DNAH3: variants seen among roughly 807,000 people sequenced by gnomAD.
The protein encoded by DNAH3 is axonemal beta dynein heavy chain 3.
In DNAH3, 332 loss-of-function variants were observed where a neutral mutation model predicts 432.5. The observed-to-expected ratio is 0.77, with a 90% CI of 0.70 to 0.84. DNAH3 has a LOEUF of 0.84. Among genes scored for constraint, DNAH3 ranks in the 40% least tolerant of loss-of-function variants. The pLI is 0.00. For missense variants in DNAH3, 4,861 were observed against 5,114.0 expected (o/e 0.95, Z 1.51); for synonymous variants, 1,956 against 1,900.2 (o/e 1.03, Z -0.76).
intron 53 of DNAH3, among the ~76,000 whole-genome samples, chr16:20,961,725 T>C (rs1243223585): frequency 2.6e-5 from 4 of 151,286 alleles, no homozygotes; most frequent in Non-Finnish European, 5.9e-5. Flanking sequence ...ATTTCAAACT[T>C]TCTTTAAGAA....
intron 53 of DNAH3, among the ~76,000 whole-genome samples, chr16:20,960,383 T>C (rs1222163457): frequency 6.6e-6 from 1 of 152,098 alleles, no homozygotes; most frequent in Non-Finnish European, 1.5e-5. Context: ...CGTACCTTCA[T>C]GTTATGAAGG....
chr16:20,948,055 C>T (rs1355081856), intron 57 of DNAH3, among the ~76,000 whole-genome samples: 3 of 152,184 alleles, frequency 2.0e-5, no homozygotes, highest in African/African-American at 7.2e-5. Flanking sequence ...AGATTACAGG[C>T]GTGAGCCACA....
At chr16:21,067,222 G>A (rs955739196) in intron 24 of DNAH3, 61 bp downstream of exon 24, 1 of 1,589,058 alleles carries the variant, frequency 6.3e-7, no homozygotes, top group Non-Finnish European at 8.6e-7. Flanking sequence ...CATGAAAAAT[G>A]TAATTCTACC....
At chr16:21,107,104 C>T (rs1330580788) in intron 14 of DNAH3, among the ~76,000 whole-genome samples, 1 of 151,984 alleles carries the variant, frequency 6.6e-6, no homozygotes, top group Non-Finnish European at 1.5e-5. Context: ...TAATTGACTC[C>T]AAAGCTCATA....
intron 39 of DNAH3, 132 bp from the exon 40 acceptor site, chr16:21,022,232 A>G (rs2088274440): frequency 1.1e-6 from 1 of 908,118 alleles, no homozygotes; most frequent in Middle Eastern, 2.3e-4. Flanking sequence ...CATTGGGGGA[A>G]AACTTATAGG....
intron 1 of DNAH3, among the ~76,000 whole-genome samples, chr16:21,147,895 G>C (rs952355138): frequency 2.6e-5 from 4 of 152,218 alleles, no homozygotes; most frequent in Admixed American, 2.6e-4. Context: ...ACTGCAACTT[G>C]TTCCAACACT....
intron 55 of DNAH3, among the ~76,000 whole-genome samples, chr16:20,953,272 T>C (rs1031659928): frequency 6.6e-6 from 1 of 151,834 alleles, no homozygotes; most frequent in Non-Finnish European, 1.5e-5. Context: ...GATTCTCCTG[T>C]CTCAGCCTCC....
chr16:21,084,491 T>A (rs953105312), intron 19 of DNAH3, among the ~76,000 whole-genome samples: 4 of 151,958 alleles, frequency 2.6e-5, no homozygotes, highest in Non-Finnish European at 4.4e-5. Flanking sequence ...CCCGGCTAAT[T>A]TTTTTGTATT....
rs1567592007 is a variant in DNAH3 at position 20,988,106 on chromosome 16, CAT to C, written c.6602-43_6602-42del. On this transcript the variant is annotated intron_variant, in intron 44 of 61. Transcript: ENST00000261383. ...CACAAGTGAATCATCCTGGAAAACA[CAT>C]ATTCTCACACTGTCTGTGACCCTAG... 8.7e-6 allele frequency: 14 copies of C among 1,609,778 alleles called. No individual in the cohort carries two copies. In the Admixed American group the frequency reaches 1.2e-4, roughly 13 times the overall value.
At position 21,024,846 on chromosome 16, in the gene DNAH3, C is replaced by G. The variant is rs769611861; in HGVS notation, c.5541-145G>C. ...TAACCTAGTCCCCTGGGTTTACCCA[C>G]GTTGAATCTTGTGTTCATCTGCCCC... On this transcript the variant is annotated intron_variant, in intron 38 of 61. Coordinates refer to ENST00000261383, the Ensembl canonical transcript of DNAH3. 20 of 674,808 alleles carry G rather than the reference C, an allele frequency of 3.0e-5. No homozygotes were observed. In the Admixed American group the frequency reaches 3.9e-4, roughly 13 times the overall value. The allele number at this position is 674,808 out of a possible 1,614,324, so 41.8% of individuals were successfully genotyped here.
intron 31 of DNAH3, among the ~76,000 whole-genome samples, chr16:21,046,939 T>C (rs2089726843): frequency 6.6e-6 from 1 of 151,568 alleles, no homozygotes; most frequent in South Asian, 2.1e-4. Context: ...TTATGAAGCT[T>C]AGTTTGGCTG....
intron 48 of DNAH3, among the ~76,000 whole-genome samples, chr16:20,984,047 AC>A (rs1363331056): frequency 8.0e-5 from 12 of 150,588 alleles, no homozygotes; most frequent in Middle Eastern, 3.4e-3. Flanking sequence ...AAAAAAAAAG[AC>A]AGAAAGGGCG....
intron 47 of DNAH3, among the ~76,000 whole-genome samples, chr16:20,986,183 TG>T: frequency 6.6e-6 from 1 of 151,490 alleles, no homozygotes; most frequent in East Asian, 2.0e-4. Flanking sequence ...AAACATAATA[TG>T]TGGATTTCAT....
intron 48 of DNAH3, among the ~76,000 whole-genome samples, chr16:20,983,261 GA>G (rs2086002993): frequency 6.6e-6 from 1 of 152,116 alleles, no homozygotes; most frequent in Non-Finnish European, 1.5e-5. Context: ...GAGTAGCTGG[GA>G]CTATAGGCAC....
At chr16:21,150,386 T>C (rs1251770182) in intron 1 of DNAH3, 2 of 437,530 alleles carry the variant, frequency 4.6e-6, no homozygotes, top group East Asian at 7.0e-5. Flanking sequence ...TCCAGGGATG[T>C]GCCTCTCCTA....
chr16:21,069,686 A>G, intron 22 of DNAH3, 92 bp from the exon 23 acceptor site: 1 of 1,074,644 alleles, frequency 9.3e-7, no homozygotes, highest in East Asian at 2.4e-5. Flanking sequence ...CCGTACATTT[A>G]TTCATTCATT....
intron 28 of DNAH3, among the ~76,000 whole-genome samples, chr16:21,053,536 G>A (rs1013043741): frequency 3.9e-5 from 6 of 152,144 alleles, no homozygotes; most frequent in African/African-American, 1.4e-4. Flanking sequence ...GGGGTACCCT[G>A]GGCAGTATAA....
intron 41 of DNAH3, among the ~76,000 whole-genome samples, chr16:21,013,463 G>A (rs934038709): frequency 6.6e-6 from 1 of 152,158 alleles, no homozygotes; most frequent in Non-Finnish European, 1.5e-5. Context: ...GCTCACACCT[G>A]TAATTCCAGC....
rs766349433 is a variant in DNAH3, at chr16:20,987,485, G to A, written c.6883-37C>T. The stretch of plus-strand genomic sequence containing the variant: ...GAGTTAATTATTCAAACGAGTGGAA[G>A]ATGGTCCCTGAGGTGGTAGTTCTCA... On this transcript the variant is annotated intron_variant, in intron 46 of 61. Coordinates refer to ENST00000261383, the Ensembl canonical transcript of DNAH3. 21 of 1,612,270 alleles carry A rather than the reference G, an allele frequency of 1.3e-5. 1 individual carries two copies. In the South Asian group the frequency reaches 2.2e-4, roughly 17 times the overall value.
Sources: allele counts gnomAD v4.1 joint callset (sites outside exome capture counted in the v4.1 genomes callset), GRCh38; gene constraint gnomAD v4.1.1; transcripts MANE v1.5; gene names NCBI Gene and HGNC (gene_info 2026-07-23, HGNC 2026-07-21).